Variants in GLIPR1L2 observed in about 807,000 individuals in gnomAD.
GLIPR1L2 encodes the protein GLIPR1-like protein 2.
GLIPR1L2 carries 21 observed loss-of-function variants against 28.4 expected under a neutral mutation model. The ratio of observed to expected loss-of-function variants is 0.74; its 90% CI spans 0.52 to 1.06. GLIPR1L2 has a LOEUF of 1.06. GLIPR1L2 is among the 50% of genes least tolerant of loss of function. The pLI is 0.00. For synonymous variants in GLIPR1L2, 145 were observed against 139.3 expected (o/e 1.04, Z -0.29); for missense variants, 476 against 416.9 (o/e 1.14, Z -1.23).
At chr12:75,398,607 G>C (rs183407898) in intron 1 of GLIPR1L2, among the ~76,000 whole-genome samples, 6 of 152,124 alleles carry the variant, frequency 3.9e-5, no homozygotes, top group Non-Finnish European at 8.8e-5. Context: ...ATTCTAACCT[G>C]ACATGGTAGT....
intron 1 of GLIPR1L2, among the ~76,000 whole-genome samples, chr12:75,410,046 ATTAC>A (rs1390222115): frequency 4.0e-5 from 6 of 151,718 alleles, no homozygotes; most frequent in East Asian, 1.9e-4. Context: ...GCATATAATC[ATTAC>A]TTAATAAATA....
chr12:75,429,938 C>CTTTTTT lies in GLIPR1L2; in HGVS notation c.671-766_671-761dup, dbSNP rs34354324. Among the ~76,000 whole-genome samples the CTTTTTT allele has an allele frequency of 2.8e-4, 36 of 128,638 alleles. 5 individuals are homozygous for CTTTTTT. The highest frequency in any genetic ancestry group is 3.5e-4 in the Non-Finnish European group (22 of 63,252). 84.4% of individuals were successfully genotyped at this position (128,638 alleles called of 152,430 possible). A position where few individuals can be genotyped will look rare whatever the true frequency, so the allele number is the denominator to read the frequency against. The stretch of plus-strand genomic sequence containing the variant: ...CCTTTTCTTTTCTTTTCTTTTCTTT[C>CTTTTTT]TTTTTTTTTTTTTTTTGAGACAGAG... On this transcript the variant is annotated intron_variant, in intron 4 of 5. Coordinates refer to ENST00000550916, the MANE Select transcript of GLIPR1L2 (RefSeq NM_001270396.2).
chr12:75,421,837 C>A (rs763006600), intron 3 of GLIPR1L2, among the ~76,000 whole-genome samples: 8 of 152,034 alleles, frequency 5.3e-5, no homozygotes, highest in Non-Finnish European at 7.4e-5. Flanking sequence ...ATAATTGATG[C>A]AGATGAGTCT....
rs1270876722 is a variant in GLIPR1L2, at chr12:75,431,730, T to C, written c.*569T>C. ...TACATCCTGCTAGGATGCAAACTTA[T>C]TATTTATAATTAATGTTCAATATTT... On this transcript the variant is annotated 3_prime_UTR_variant, in exon 6 of 6. Coordinates refer to ENST00000550916, the MANE Select transcript of GLIPR1L2 (RefSeq NM_001270396.2). 2 of 152,092 alleles carry C rather than the reference T, an allele frequency of 1.3e-5. No individual in the cohort carries two copies. Among genetic ancestry groups the C allele is most frequent in the Non-Finnish European group, 2.9e-5 (2 of 67,970 alleles). The allele number at this position is 152,092 out of a possible 1,614,324, so 9.4% of individuals were successfully genotyped here. A position where few individuals can be genotyped will look rare whatever the true frequency, so the allele number is the denominator to read the frequency against.
intron 4 of GLIPR1L2, among the ~76,000 whole-genome samples, chr12:75,428,987 G>C (rs1389904753): frequency 2.6e-5 from 4 of 152,222 alleles, no homozygotes; most frequent in Admixed American, 6.5e-5. Context: ...CAGGGGTGGA[G>C]CCCTCATGGA....
intron 1 of GLIPR1L2, among the ~76,000 whole-genome samples, chr12:75,394,273 A>G (rs2045660049): frequency 6.6e-6 from 1 of 152,056 alleles, no homozygotes; most frequent in African/African-American, 2.4e-5. Flanking sequence ...TCAATGAAGT[A>G]TAATTTATCA....
intron 2 of GLIPR1L2, among the ~76,000 whole-genome samples, chr12:75,412,322 T>G (rs959771686): frequency 6.6e-6 from 1 of 151,826 alleles, no homozygotes; most frequent in African/African-American, 2.4e-5. Flanking sequence ...CAAACAGTTC[T>G]TACAAGCTAA....
At position 75,430,722 on chromosome 12, in the gene GLIPR1L2, A is replaced by G; in HGVS notation, c.678A>G (p.Ala226=). 1 of 1,534,448 alleles carries G rather than the reference A, an allele frequency of 6.5e-7. No individual in the cohort carries two copies. The highest frequency in any genetic ancestry group is 8.7e-7 in the Non-Finnish European group (1 of 1,146,368). Residue 226 remains alanine (A), a synonymous_variant, in exon 5 of 6, where the codon GCA becomes GCG. Transcript: ENST00000550916. ...DKCTDFLCSN[A]DRDQATYYRF... is the part of the protein sequence containing the mutation. ...CTTTCTTTTTCTTTCTAGGTAATGC[A>G]GATCGTGACCAAGCCACATGTATGT...
chr12:75,426,401 C>T (rs1293951902), intron 4 of GLIPR1L2, among the ~76,000 whole-genome samples: 3 of 152,154 alleles, frequency 2.0e-5, no homozygotes, highest in African/African-American at 7.2e-5. Context: ...AGGGAAGTGG[C>T]CACAGTAAGG....
At chr12:75,398,046 A>AT (rs2045699366) in intron 1 of GLIPR1L2, among the ~76,000 whole-genome samples, 1 of 151,378 alleles carries the variant, frequency 6.6e-6, no homozygotes, top group African/African-American at 2.4e-5. Context: ...AAAAAAAAAA[A>AT]AATGCCGGGA....
intron 1 of GLIPR1L2, among the ~76,000 whole-genome samples, chr12:75,403,779 T>C (rs922719358): frequency 5.3e-5 from 8 of 152,070 alleles, no homozygotes; most frequent in African/African-American, 1.9e-4. Flanking sequence ...CCTCTACAGT[T>C]ACTAGAACTT....
At chr12:75,397,170 G>A (rs1396045024) in intron 1 of GLIPR1L2, among the ~76,000 whole-genome samples, 1 of 151,808 alleles carries the variant, frequency 6.6e-6, no homozygotes, top group Non-Finnish European at 1.5e-5. Flanking sequence ...CAGAGTCATT[G>A]CTTTAGAACT....
rs575819160 is a variant in GLIPR1L2, at chr12:75,406,993, T to G, written c.235-3441T>G. ...TCCCACACTCAATATCTGATTACTC[T>G]GAATATCATCTGATCAAAATCTTCA... On this transcript the variant is annotated intron_variant, in intron 1 of 5. Coordinates refer to ENST00000550916, the MANE Select transcript of GLIPR1L2 (RefSeq NM_001270396.2). Among the ~76,000 whole-genome samples, 90 of 152,118 alleles carry G rather than the reference T, an allele frequency of 5.9e-4. 1 individual carries two copies. The highest frequency in any genetic ancestry group is 2.1e-3 in the African/African-American group (87 of 41,520).
chr12:75,427,674 T>C (rs1352633530), intron 4 of GLIPR1L2, among the ~76,000 whole-genome samples: 2 of 152,188 alleles, frequency 1.3e-5, no homozygotes, highest in African/African-American at 2.4e-5. Context: ...TCATCTTGAA[T>C]TGTAATCCCC....
intron 1 of GLIPR1L2, among the ~76,000 whole-genome samples, chr12:75,394,763 CAAAAAAAAAA>C (rs71078727): frequency 1.2e-5 from 1 of 80,258 alleles, no homozygotes; most frequent in Non-Finnish European, 2.4e-5. Context: ...TGTATTTCTG[CAAAAAAAAAA>C]AAAAAAAAAA....
intron 1 of GLIPR1L2, among the ~76,000 whole-genome samples, chr12:75,402,122 ATATT>A (rs1352947560): frequency 2.0e-5 from 3 of 152,158 alleles, no homozygotes; most frequent in South Asian, 2.1e-4. Flanking sequence ...GTGTAAGACA[ATATT>A]TATTATGTCC....
chr12:75,422,972 GCA>G lies in GLIPR1L2; in HGVS notation c.656_657del (p.Thr219ArgfsTer6), dbSNP rs1462637360. On this transcript the variant is annotated frameshift_variant, in exon 4 of 6. Transcript: ENST00000550916. LOFTEE classifies it low-confidence loss of function (END_TRUNC). ...ACTCGATGTGGCAGACGTGACAAAT[GCA>G]CAGATTTTCTATGCAGTAAGATAAA... 2 of 1,612,726 alleles carry G rather than the reference GCA, an allele frequency of 1.2e-6. No individual in the cohort carries two copies. Among genetic ancestry groups the G allele is most frequent in the Admixed American group, 1.7e-5 (1 of 59,884 alleles).
At chr12:75,410,729 A>T in intron 2 of GLIPR1L2, 50 bp downstream of exon 2, 1 of 1,340,472 alleles carries the variant, frequency 7.5e-7, no homozygotes, top group South Asian at 1.4e-5. Flanking sequence ...TAATTGATTT[A>T]TGCCTGGTTT....
intron 4 of GLIPR1L2, among the ~76,000 whole-genome samples, chr12:75,428,327 C>A (rs569641348): frequency 6.6e-6 from 1 of 152,078 alleles, no homozygotes; most frequent in Admixed American, 6.5e-5. Context: ...GAGCTTGAGA[C>A]AGATGATTTA....
Sources: gnomAD v4.1 joint callset for allele counts (sites outside exome capture counted in the v4.1 genomes callset) on GRCh38, gnomAD v4.1.1 for gene constraint, MANE v1.5 for transcripts, NCBI Gene and HGNC (gene_info 2026-07-23, HGNC 2026-07-21) for gene names.